The following TENM3 variants were observed in gnomAD, a reference collection of about 807,000 sequenced individuals.
TENM3 encodes the protein teneurin-3.
A neutral mutation model predicts 255.1 loss-of-function variants in TENM3; 63 were observed. The ratio of observed to expected loss-of-function variants is 0.25; its 90% confidence interval spans 0.20 to 0.30. TENM3 has a LOEUF of 0.30. Among genes scored for constraint, TENM3 ranks in the 10% least tolerant of loss-of-function variants. TENM3 has a pLI of 1.00. For synonymous variants in TENM3, 1,306 were observed against 1,322.3 expected (o/e 0.99, Z 0.27); for missense variants, 2,929 against 3,461.1 (o/e 0.85, Z 3.86).
At chr4:182,660,314 C>T (rs923113578) in intron 6 of TENM3, among the ~76,000 whole-genome samples, 7 of 152,054 alleles carry the variant, frequency 4.6e-5, no homozygotes, top group Non-Finnish European at 7.4e-5. Context: ...ATAAAGTATA[C>T]GAAGGGCCAT....
At chr4:182,499,426 T>C (rs892508137) in intron 3 of TENM3, among the ~76,000 whole-genome samples, 6 of 152,190 alleles carry the variant, frequency 3.9e-5, no homozygotes, top group Non-Finnish European at 7.3e-5. Context: ...AAGGAGACTG[T>C]CTGGTATTTG....
In TENM3 at chr4:182,736,875, C is replaced by T. The variant is rs2152724881; in HGVS notation, c.3035C>T (p.Ala1012Val). ...CTCTCCTACTTGAGTTCCAGAGCTG[C>T]AGGGTATAAGTCAGTTCTCAAGATC... Reference protein sequence around the residue: ...LKLSYLSSRAAGYKSVLKITM... With the variant: ...LKLSYLSSRAVGYKSVLKITM... The change falls in exon 17 of 28, where the codon GCA (alanine) becomes GTA (valine). Residue 1012 changes from alanine to valine, a missense_variant. Physicochemically the swap from Ala to Val is moderately conservative, Grantham distance 64. Around this residue, in one of 6 missense-constraint regions of TENM3, gnomAD observed 1,608 missense variants for 1,884.4 expected, o/e 0.85. Coordinates refer to ENST00000511685, the MANE Select transcript of TENM3 (RefSeq NM_001080477.4). The T allele has an allele frequency of 6.2e-7, 1 of 1,613,662 alleles. No individual in the cohort carries two copies. Among genetic ancestry groups the T allele is most frequent in the East Asian group, 2.2e-5 (1 of 44,852 alleles).
intron 1 of TENM3, among the ~76,000 whole-genome samples, chr4:182,187,664 G>A (rs534377589): frequency 6.6e-6 from 1 of 151,278 alleles, no homozygotes; most frequent in African/African-American, 2.4e-5. Flanking sequence ...AAATTAATTA[G>A]GAAAAAATGA....
At chr4:182,263,171 G>C (rs928471011) in intron 1 of TENM3, among the ~76,000 whole-genome samples, 1 of 152,108 alleles carries the variant, frequency 6.6e-6, no homozygotes, top group Non-Finnish European at 1.5e-5. Context: ...CGGGGTCAGG[G>C]GTTGTTGGGG....
At chr4:182,369,394 G>A (rs563651102) in intron 3 of TENM3, among the ~76,000 whole-genome samples, 3 of 152,272 alleles carry the variant, frequency 2.0e-5, no homozygotes, top group South Asian at 4.2e-4. Context: ...TCTAAAACCC[G>A]CTGAGTAAAC....
chr4:181,842,923 G>A, the TENM3 span, among the ~76,000 whole-genome samples: 1 of 152,104 alleles, frequency 6.6e-6, no homozygotes, highest in Non-Finnish European at 1.5e-5. Flanking sequence ...ATGAGTGAAG[G>A]ACAAACCTCT....
the TENM3 span, among the ~76,000 whole-genome samples, chr4:181,994,166 A>G: frequency 6.6e-6 from 1 of 152,326 alleles, no homozygotes; most frequent in Admixed American, 6.5e-5. Flanking sequence ...ATCTGAAAAC[A>G]TTATATGTTT....
chr4:182,063,826 G>A, the TENM3 span, among the ~76,000 whole-genome samples: 1 of 152,170 alleles, frequency 6.6e-6, no homozygotes, highest in Non-Finnish European at 1.5e-5. Context: ...CAGAAAACAT[G>A]TGCTCTCCTA....
chr4:182,058,486 T>C, the TENM3 span, among the ~76,000 whole-genome samples: 2 of 152,200 alleles, frequency 1.3e-5, no homozygotes, highest in Admixed American at 6.5e-5. Flanking sequence ...GTTTAGATTC[T>C]TGACAGTGTT....
intron 6 of TENM3, among the ~76,000 whole-genome samples, chr4:182,672,682 C>T (rs903441171): frequency 2.0e-5 from 3 of 152,160 alleles, no homozygotes; most frequent in Non-Finnish European, 4.4e-5. Context: ...CAAGAAATAA[C>T]AAGACTCATA....
the TENM3 span, among the ~76,000 whole-genome samples, chr4:181,982,881 G>T: frequency 6.6e-6 from 1 of 152,198 alleles, no homozygotes; most frequent in South Asian, 2.1e-4. Context: ...TAGAGTCTTT[G>T]ATTTACCAAA....
chr4:181,453,894 T>G, the TENM3 span, among the ~76,000 whole-genome samples: 1 of 152,216 alleles, frequency 6.6e-6, no homozygotes, highest in East Asian at 1.9e-4. Context: ...GATCAGAAGG[T>G]CCTGGGTTTA....
intron 1 of TENM3, among the ~76,000 whole-genome samples, chr4:182,304,618 G>T (rs2150385407): frequency 6.6e-6 from 1 of 152,292 alleles, no homozygotes; most frequent in East Asian, 1.9e-4. Flanking sequence ...AGACACAAAG[G>T]CAGGCAACAC....
At chr4:182,067,174 G>A in the TENM3 span, among the ~76,000 whole-genome samples, 4 of 152,114 alleles carry the variant, frequency 2.6e-5, no homozygotes, top group East Asian at 7.7e-4. Context: ...TGAGAGGCCG[G>A]CAGCATTCCC....
chr4:181,772,524 A>T, the TENM3 span, among the ~76,000 whole-genome samples: 25 of 152,360 alleles, frequency 1.6e-4, no homozygotes, highest in African/African-American at 5.8e-4. Flanking sequence ...GATTTTAAAA[A>T]AATGTTAATG....
chr4:182,340,937 C>T (rs1412312731), intron 2 of TENM3, among the ~76,000 whole-genome samples: 1 of 152,160 alleles, frequency 6.6e-6, no homozygotes, highest in East Asian at 1.9e-4. Context: ...TATATTTATT[C>T]ATCCATTTTT....
the TENM3 span, among the ~76,000 whole-genome samples, chr4:181,673,902 T>C: frequency 6.6e-6 from 1 of 151,234 alleles, no homozygotes; most frequent in East Asian, 1.9e-4. Flanking sequence ...TTTAGAATTA[T>C]GGCAAAGAGG....
At chr4:182,394,504 C>T (rs1240153630) in intron 3 of TENM3, among the ~76,000 whole-genome samples, 4 of 152,084 alleles carry the variant, frequency 2.6e-5, no homozygotes, top group African/African-American at 9.7e-5. Flanking sequence ...TGGAACTTAT[C>T]CTCTTAATAA....
At chr4:182,419,090 AT>A (rs1770599653) in intron 3 of TENM3, among the ~76,000 whole-genome samples, 1 of 152,234 alleles carries the variant, frequency 6.6e-6, no homozygotes, top group East Asian at 1.9e-4. Flanking sequence ...TAAGATCTTT[AT>A]TGTTAATAGT....
Sources: gnomAD v4.1 joint callset for allele counts (sites outside exome capture counted in the v4.1 genomes callset) on GRCh38, gnomAD v4.1.1 for gene constraint, gnomAD v4.1.1 regional missense constraint, MANE v1.5 for transcripts, NCBI Gene and HGNC (gene_info 2026-07-23, HGNC 2026-07-21) for gene names.